Variants in SCOC observed in about 807,000 individuals in gnomAD.
SCOC encodes the protein short coiled-coil protein.
Under a neutral mutation model 9.9 loss-of-function variants are expected in SCOC, and 7 were observed. That is an observed-to-expected ratio of 0.71 (90% confidence interval 0.40 to 1.33). SCOC has a LOEUF of 1.33. Ranked by LOEUF, SCOC falls within the 40% of genes most tolerant of loss-of-function variation. The pLI is 0.01. For missense variants in SCOC, 66 were observed against 89.7 expected, an observed-to-expected ratio of 0.74 and a Z score of 1.07; for synonymous variants, 19 against 28.2, an observed-to-expected ratio of 0.67 and a Z score of 1.03.
intron 1 of SCOC, among the ~76,000 whole-genome samples, chr4:140,295,736 T>C (rs1731608961): frequency 6.6e-6 from 1 of 151,236 alleles, no homozygotes; most frequent in Admixed American, 6.6e-5. Flanking sequence ...GGTCAGGAGA[T>C]CGAGACCACG....
chr4:140,305,002 C>A (rs773598634), intron 1 of SCOC, among the ~76,000 whole-genome samples: 4 of 152,128 alleles, frequency 2.6e-5, no homozygotes, highest in African/African-American at 4.8e-5. Context: ...ATTAGGGCAC[C>A]ATTCACCATA....
intron 1 of SCOC, chr4:140,374,201 A>T: frequency 2.2e-6 from 1 of 456,220 alleles, no homozygotes; most frequent in South Asian, 1.6e-5. Context: ...CCATTTTTCC[A>T]GGCGGCGAAA....
In SCOC at chr4:140,385,228, G is replaced by C. The variant is rs1728663137; in HGVS notation, c.*4124G>C. The C allele has an allele frequency of 6.6e-6, 1 of 152,074 alleles. No individual in the cohort carries two copies. Among genetic ancestry groups the C allele is most frequent in the Non-Finnish European group, 1.5e-5 (1 of 68,016 alleles). 9.4% of individuals were successfully genotyped at this position (152,074 alleles called of 1,614,324 possible). ...ACAGATCCTCGTCTGAAACTTGTAG[G>C]GCCAGATGTCTTAGAATTTGGAGTT... On this transcript the variant is annotated 3_prime_UTR_variant, in exon 4 of 4. Coordinates refer to ENST00000608372, the MANE Select transcript of SCOC (RefSeq NM_001153484.2).
intron 1 of SCOC, among the ~76,000 whole-genome samples, chr4:140,271,562 A>C (rs1175150505): frequency 6.6e-6 from 1 of 152,144 alleles, no homozygotes; most frequent in Non-Finnish European, 1.5e-5. Context: ...AGCTGGGTAA[A>C]ATGTAGAGTA....
At chr4:140,380,194 CTT>C (rs993271002) in intron 3 of SCOC, among the ~76,000 whole-genome samples, 15 of 108,424 alleles carry the variant, frequency 1.4e-4, no homozygotes, top group South Asian at 3.1e-4. Flanking sequence ...TTTTCTTTTT[CTT>C]TTTTTTTTTT....
At chr4:140,309,741 C>T (rs907517) in intron 1 of SCOC, among the ~76,000 whole-genome samples, 61,753 of 152,022 alleles carry the variant, frequency 0.41, 15,192 homozygotes, top group African/African-American at 0.7. Flanking sequence ...TTTCCTTGAA[C>T]AGGAGTAAAA....
chr4:140,329,896 G>T (rs777750282), intron 1 of SCOC, among the ~76,000 whole-genome samples: 6 of 152,186 alleles, frequency 3.9e-5, no homozygotes, highest in Non-Finnish European at 8.8e-5. Context: ...ACAGTGTGGA[G>T]TTTCCTTAAA....
intron 1 of SCOC, among the ~76,000 whole-genome samples, chr4:140,292,429 T>C (rs1731504075): frequency 6.6e-6 from 1 of 152,148 alleles, no homozygotes; most frequent in Non-Finnish European, 1.5e-5. Flanking sequence ...TGTCAAGTGA[T>C]CCACCCACCT....
intron 1 of SCOC, chr4:140,376,386 A>G (rs964616234): frequency 2.0e-5 from 3 of 152,204 alleles, no homozygotes; most frequent in Admixed American, 2.0e-4. Context: ...TGTCGTGGAA[A>G]GGCAGCAGGT....
intron 1 of SCOC, chr4:140,374,455 G>T: frequency 4.0e-6 from 1 of 251,642 alleles, no homozygotes; most frequent in Admixed American, 5.2e-5. Flanking sequence ...CTCTATTCCT[G>T]ATTAAAATCA....
At chr4:140,313,603 G>A (rs1371177612) in intron 1 of SCOC, among the ~76,000 whole-genome samples, 2 of 152,008 alleles carry the variant, frequency 1.3e-5, no homozygotes, top group South Asian at 4.2e-4. Flanking sequence ...AGTAATAATG[G>A]CAGAAAATTG....
chr4:140,352,617 T>C (rs985032568), intron 2 of SCOC, among the ~76,000 whole-genome samples: 1 of 152,204 alleles, frequency 6.6e-6, no homozygotes, highest in African/African-American at 2.4e-5. Context: ...ATAAATGATC[T>C]AGCATAAAGC....
chr4:140,373,266 T>G, upstream of SCOC: 1 of 1,299,880 alleles, frequency 7.7e-7, no homozygotes. Flanking sequence ...TACCAACCTC[T>G]TTCCTGAATG....
At chr4:140,334,958 A>G (rs1732917372) in intron 1 of SCOC, among the ~76,000 whole-genome samples, 1 of 152,216 alleles carries the variant, frequency 6.6e-6, no homozygotes, top group Non-Finnish European at 1.5e-5. Flanking sequence ...AATAAAATAA[A>G]AAACAGGAAA....
Position 140,385,281 on chromosome 4 carries a change from C to T in SCOC, c.*4177C>T, listed in dbSNP as rs1728663991. On this transcript the variant is annotated 3_prime_UTR_variant, in exon 4 of 4. Transcript: ENST00000608372. ...CCAGATTTTATAAAATATTATGACT[C>T]AGACACCAATATGGTTTGGGGCAAC... 1 of 152,168 alleles carries T rather than the reference C, an allele frequency of 6.6e-6. No homozygotes were observed. Among genetic ancestry groups the T allele is most frequent in the Non-Finnish European group, 1.5e-5 (1 of 68,040 alleles). The allele number at this position is 152,168 out of a possible 1,614,324, so 9.4% of individuals were successfully genotyped here.
intron 1 of SCOC, among the ~76,000 whole-genome samples, chr4:140,281,081 CCATCT>C (rs1200545357): frequency 6.6e-6 from 1 of 152,106 alleles, no homozygotes; most frequent in Non-Finnish European, 1.5e-5. Flanking sequence ...TCTGGGCATC[CCATCT>C]CATCCTCTCT....
At chr4:140,373,808 C>A in intron 1 of SCOC, 91 bp downstream of exon 1, 2 of 1,355,844 alleles carry the variant, frequency 1.5e-6, no homozygotes, top group Non-Finnish European at 2.0e-6. Context: ...GCGGGGCGGG[C>A]TGGACGCGGC....
intron 1 of SCOC, among the ~76,000 whole-genome samples, chr4:140,259,852 A>C (rs774876816): frequency 9.9e-5 from 15 of 152,120 alleles, no homozygotes; most frequent in Non-Finnish European, 1.9e-4. Context: ...TTACTCATCT[A>C]TTTCCCGCCA....
chr4:140,380,471 T>C (rs1273958788), intron 3 of SCOC, among the ~76,000 whole-genome samples: 1 of 152,102 alleles, frequency 6.6e-6, no homozygotes, highest in African/African-American at 2.4e-5. Flanking sequence ...GTGCTGGGAT[T>C]ACAGGTGCGA....
Sources: gnomAD v4.1 joint callset for allele counts (sites outside exome capture counted in the v4.1 genomes callset) on GRCh38, gnomAD v4.1.1 for gene constraint, MANE v1.5 for transcripts, NCBI Gene and HGNC (gene_info 2026-07-23, HGNC 2026-07-21) for gene names.